Variants in LRBA observed in about 807,000 individuals in gnomAD.
The protein encoded by LRBA is lipopolysaccharide-responsive and beige-like anchor protein.
LRBA carries 176 observed loss-of-function variants against 330.0 expected under a neutral mutation model. That is an observed-to-expected ratio of 0.53 (90% CI 0.47 to 0.60). The LOEUF (loss-of-function observed/expected upper bound fraction) is 0.60, where lower values mean the gene tolerates loss of function less well. Ranked by LOEUF, LRBA falls within the 20% of genes least tolerant of loss-of-function variation. The pLI is 0.00. For missense variants in LRBA, 3,259 were observed against 3,444.8 expected (o/e 0.95, Z 1.35); for synonymous variants, 1,230 against 1,193.0 (o/e 1.03, Z -0.64).
chr4:151,014,918 G>A (rs2149682829), intron 1 of LRBA, 57 bp from the exon 2 acceptor site: 1 of 361,396 alleles, frequency 2.8e-6, no homozygotes, highest in Non-Finnish European at 5.0e-6. Flanking sequence ...GGGTTTTGAG[G>A]GGACAAGAGG....
At chr4:150,453,570 T>C (rs529904199) in intron 44 of LRBA, among the ~76,000 whole-genome samples, 2 of 152,362 alleles carry the variant, frequency 1.3e-5, no homozygotes, top group South Asian at 4.1e-4. Context: ...TTCTGTTTGA[T>C]CCAAGTTGTT....
At chr4:150,685,256 T>G (rs745489163) in intron 36 of LRBA, among the ~76,000 whole-genome samples, 26 of 150,666 alleles carry the variant, frequency 1.7e-4, no homozygotes, top group Non-Finnish European at 3.1e-4. Context: ...TAAAGATTTT[T>G]TTTTAAGAGC....
intron 31 of LRBA, among the ~76,000 whole-genome samples, chr4:150,815,179 C>T (rs1015284681): frequency 1.6e-4 from 25 of 151,708 alleles, no homozygotes; most frequent in African/African-American, 3.6e-4. Context: ...ATTTAAAAGA[C>T]GGCAGGTAAA....
intron 35 of LRBA, among the ~76,000 whole-genome samples, chr4:150,747,822 T>C (rs988929916): frequency 5.3e-5 from 8 of 152,170 alleles, no homozygotes; most frequent in African/African-American, 1.7e-4. Context: ...AATTATTTCA[T>C]CCAGTTCTAT....
chr4:150,858,107 G>A (rs1323382030), intron 22 of LRBA, among the ~76,000 whole-genome samples: 1 of 152,104 alleles, frequency 6.6e-6, no homozygotes, highest in Non-Finnish European at 1.5e-5. Flanking sequence ...ATGCATTTCT[G>A]CTGGGTTCAA....
At chr4:150,344,861 T>C (rs555105788) in intron 48 of LRBA, among the ~76,000 whole-genome samples, 2 of 152,306 alleles carry the variant, frequency 1.3e-5, no homozygotes, top group Non-Finnish European at 2.9e-5. Flanking sequence ...GAAAATTATG[T>C]TTTATGGTAT....
At chr4:151,014,320 GA>G in intron 2 of LRBA, 106 bp downstream of exon 2, 1 of 830,354 alleles carries the variant, frequency 1.2e-6, no homozygotes, top group Non-Finnish European at 1.9e-6. Context: ...CCCTATACAC[GA>G]AAAAAGTCAC....
intron 22 of LRBA, among the ~76,000 whole-genome samples, chr4:150,861,543 C>A (rs1751941216): frequency 6.6e-6 from 1 of 152,066 alleles, no homozygotes; most frequent in African/African-American, 2.4e-5. Flanking sequence ...AAGGCATTTA[C>A]CATGAATGGA....
At chr4:150,912,423 A>T (rs1031211780) in intron 9 of LRBA, among the ~76,000 whole-genome samples, 1 of 152,242 alleles carries the variant, frequency 6.6e-6, no homozygotes, top group Non-Finnish European at 1.5e-5. Flanking sequence ...ATAATCTGTC[A>T]CTGTCTCCCA....
intron 37 of LRBA, among the ~76,000 whole-genome samples, chr4:150,600,514 A>C (rs1774004231): frequency 6.6e-6 from 1 of 152,172 alleles, no homozygotes. Flanking sequence ...TCTTTTTAAA[A>C]CAGTAGAGAC....
At chr4:150,389,676 CAAAAAAAAAAAA>C (rs34170088) in intron 47 of LRBA, among the ~76,000 whole-genome samples, 2 of 80,092 alleles carry the variant, frequency 2.5e-5, no homozygotes, top group Non-Finnish European at 2.3e-5. Flanking sequence ...GACTCTGTCT[CAAAAAAAAAAAA>C]AAAAAAAAAG....
intron 17 of LRBA, among the ~76,000 whole-genome samples, chr4:150,875,874 T>C (rs1753971488): frequency 6.6e-6 from 1 of 152,186 alleles, no homozygotes; most frequent in Admixed American, 6.5e-5. Flanking sequence ...TCTCCAACCA[T>C]GGTCCATAAC....
intron 16 of LRBA, among the ~76,000 whole-genome samples, chr4:150,894,867 T>A (rs891875693): frequency 2.0e-5 from 3 of 152,278 alleles, no homozygotes; most frequent in African/African-American, 7.2e-5. Context: ...CTTCAAATAT[T>A]ATATTTGGTC....
chr4:150,397,682 T>C (rs1308142538), intron 47 of LRBA, among the ~76,000 whole-genome samples: 1 of 152,216 alleles, frequency 6.6e-6, no homozygotes, highest in Non-Finnish European at 1.5e-5. Flanking sequence ...ATGTAGAGTA[T>C]AACAACACAG....
At chr4:150,512,640 T>C (rs1561286730) in intron 40 of LRBA, among the ~76,000 whole-genome samples, 1 of 143,838 alleles carries the variant, frequency 7.0e-6, no homozygotes. Flanking sequence ...CTGTGAGAAA[T>C]AAATTTCTGT....
chr4:150,370,088 T>G (rs1740047608), intron 47 of LRBA, among the ~76,000 whole-genome samples: 1 of 152,170 alleles, frequency 6.6e-6, no homozygotes, highest in Non-Finnish European at 1.5e-5. Flanking sequence ...CAAAATACAT[T>G]AAGAAATAAT....
intron 40 of LRBA, chr4:150,582,367 C>G (rs1479839567): frequency 2.6e-5 from 4 of 151,860 alleles, no homozygotes; most frequent in Non-Finnish European, 4.4e-5. Context: ...CGAGAAGAGA[C>G]GAGACCAACA....
chr4:150,575,807 T>C (rs1213781812), intron 40 of LRBA, among the ~76,000 whole-genome samples: 1 of 151,966 alleles, frequency 6.6e-6, no homozygotes, highest in Non-Finnish European at 1.5e-5. Flanking sequence ...ACACACATTG[T>C]TTTGGCTCAC....
chr4:150,795,298 G>A (rs1177192367), intron 34 of LRBA, among the ~76,000 whole-genome samples: 1 of 151,922 alleles, frequency 6.6e-6, no homozygotes, highest in Non-Finnish European at 1.5e-5. Flanking sequence ...ATTTAAAACA[G>A]GTTTATACAC....
Sources: allele counts gnomAD v4.1 joint callset (sites outside exome capture counted in the v4.1 genomes callset), GRCh38; gene constraint gnomAD v4.1.1; transcripts MANE v1.5; gene names NCBI Gene and HGNC (gene_info 2026-07-23, HGNC 2026-07-21).